The following BPTF variants were observed in gnomAD, a reference collection of about 807,000 sequenced individuals.
BPTF encodes the protein nucleosome-remodeling factor subunit BPTF.
A neutral mutation model predicts 292.5 loss-of-function variants in BPTF; 18 were observed. That is an observed-to-expected ratio of 0.06 (90% CI 0.04 to 0.09). The LOEUF is 0.09. BPTF is among the 10% of genes least tolerant of loss of function. The pLI is 1.00. For synonymous variants in BPTF, 1,225 were observed against 1,251.9 expected (o/e 0.98, Z 0.45); for missense variants, 2,726 against 3,498.7 (o/e 0.78, Z 5.57).
intron 1 of BPTF, among the ~76,000 whole-genome samples, chr17:67,850,996 A>G (rs1371325667): frequency 6.6e-6 from 1 of 152,182 alleles, no homozygotes. Context: ...ACAATAAGCA[A>G]ATTGTAATGG....
At chr17:67,942,054 C>T (rs527615814) in intron 19 of BPTF, among the ~76,000 whole-genome samples, 1 of 152,312 alleles carries the variant, frequency 6.6e-6, no homozygotes, top group African/African-American at 2.4e-5. Flanking sequence ...AATCCCAGCA[C>T]TTTGGGGGGC....
rs775756482 is a variant in BPTF, at chr17:67,931,893, T to C, written c.6151-18T>C. 1.3e-6 allele frequency: 2 copies of C among 1,579,022 alleles called. No homozygotes were observed. The highest frequency in any genetic ancestry group is 2.2e-5 in the South Asian group (2 of 89,508). On this transcript the variant is annotated intron_variant, in intron 17 of 27. Coordinates refer to ENST00000306378, the MANE Select transcript of BPTF (RefSeq NM_182641.4). ...TTTTTAAAGCATTTTAATTCATTGT[T>C]CTTTGTGTCATTTATAGGTAATCAC...
Position 67,928,435 on chromosome 17 carries a change from T to G in BPTF, c.5832T>G (p.Ser1944=), listed in dbSNP as rs757529804. 6.2e-7 allele frequency: 1 copy of G among 1,614,152 alleles called. No individual in the cohort carries two copies. The highest frequency in any genetic ancestry group is 8.5e-7 in the Non-Finnish European group (1 of 1,180,024). The change falls in exon 16 of 28, where the codon TCT becomes TCG. Residue 1944 remains serine (S), a synonymous_variant. Coordinates refer to ENST00000306378, the MANE Select transcript of BPTF (RefSeq NM_182641.4). ...SPTSSTTSTI[S]PAQKVMVAPI... Reference sequence around the variant, plus strand: ...CAAGCAGTACAACCAGCACCATCTCTCCAGCACAGAAGGTTATGGTGGCCC... The same window carrying G: ...CAAGCAGTACAACCAGCACCATCTCGCCAGCACAGAAGGTTATGGTGGCCC...
chr17:67,848,600 A>C lies in BPTF; in HGVS notation c.614-5340A>C, dbSNP rs201085488. 2.4e-4 allele frequency among the ~76,000 whole-genome samples: 37 copies of C among 152,310 alleles called. No individual in the cohort carries two copies. The East Asian group carries it at 5.4e-3, about 22-fold the overall frequency. On this transcript the variant is annotated intron_variant, in intron 1 of 27. Transcript: ENST00000306378. ...GTAGGCAAACTTTTTTTTAAAATTA[A>C]AAATATGAGAAATTAATTAACAGAT...
At chr17:67,948,034 T>C (rs782086380) in intron 22 of BPTF, 47 bp from the exon 23 acceptor site, 1 of 1,557,110 alleles carries the variant, frequency 6.4e-7, no homozygotes, top group South Asian at 1.1e-5. Context: ...CTTAAGCCTT[T>C]CAAAATGAAA....
rs1383041796 is a variant in BPTF, at chr17:67,883,324, A to G, written c.1864+8304A>G. ...GAGCGAGACTCCATCTAAAATAATA[A>G]TAATAATAATAATCCTTTGTGTAGT... On this transcript the variant is annotated intron_variant, in intron 4 of 27. Transcript: ENST00000306378. 2.0e-5 allele frequency among the ~76,000 whole-genome samples: 3 copies of G among 152,256 alleles called. No homozygotes were observed. In the East Asian group the frequency reaches 5.8e-4, roughly 29 times the overall value.
At chr17:67,875,796 T>G in intron 4 of BPTF, 1 of 1,362,700 alleles carries the variant, frequency 7.3e-7, no homozygotes, top group Non-Finnish European at 9.6e-7. Context: ...TCCTTCCCTT[T>G]TGTAGTAAAA....
intron 1 of BPTF, among the ~76,000 whole-genome samples, chr17:67,835,918 G>T (rs907048951): frequency 6.6e-6 from 1 of 152,082 alleles, no homozygotes; most frequent in African/African-American, 2.4e-5. Flanking sequence ...GCCCACCTCA[G>T]CCTCCCAAAG....
intron 26 of BPTF, among the ~76,000 whole-genome samples, chr17:67,970,124 TTA>T (rs2068600642): frequency 6.6e-6 from 1 of 151,714 alleles, no homozygotes; most frequent in African/African-American, 2.4e-5. Context: ...TCCCAGCTAC[TTA>T]GGAGGCTGAG....
chr17:67,872,094 G>A (rs1367376104), intron 3 of BPTF, among the ~76,000 whole-genome samples: 1 of 152,216 alleles, frequency 6.6e-6, no homozygotes, highest in Non-Finnish European at 1.5e-5. Flanking sequence ...CTGAAGTGCT[G>A]GGATTACAGG....
rs1348616038 is a variant in BPTF, at chr17:67,929,387, G to A, written c.6050G>A (p.Gly2017Asp). 27 of 1,613,876 alleles carry A rather than the reference G, an allele frequency of 1.7e-5. No individual in the cohort carries two copies. In the Admixed American group the frequency reaches 4.5e-4, roughly 27 times the overall value. Residue 2017 changes from glycine to aspartate, a missense_variant, in exon 17 of 28, where the codon GGT becomes GAT. By Grantham distance (94) the Gly-to-Asp change is moderately conservative. Around this residue, in one of 22 missense-constraint regions of BPTF, gnomAD observed 198 missense variants for 277.1 expected, o/e 0.71. Coordinates refer to ENST00000306378, the MANE Select transcript of BPTF (RefSeq NM_182641.4). ...CTGGGTATCATTCCATCAAGTACAG[G>A]TACCAGTCAGCAAACCTTTACTTCA... ...KVLGIIPSSTGTSQQTFTSFQ... is the reference protein window; with the variant it reads ...KVLGIIPSSTDTSQQTFTSFQ...
rs561188413 is a variant in BPTF at position 67,828,449 on chromosome 17, G to A, written c.613+2112G>A. Among the ~76,000 whole-genome samples the A allele has an allele frequency of 3.3e-5, 5 of 152,310 alleles. No individual in the cohort carries two copies. In the South Asian group the frequency reaches 1.0e-3, roughly 32 times the overall value. On this transcript the variant is annotated intron_variant, in intron 1 of 27. Coordinates refer to ENST00000306378, the MANE Select transcript of BPTF (RefSeq NM_182641.4). ...AATAATATTTAAGATTGATGGGTGT[G>A]CATATGCTGACTTAAATTACAATTT...
chr17:67,964,983 T>C (rs1163635682), intron 25 of BPTF: 1 of 103,168 alleles, frequency 9.7e-6, no homozygotes, highest in South Asian at 3.3e-4. Context: ...TGGGCGAGAG[T>C]GTGAGACTCC....
rs751578544 is a variant in BPTF at position 67,910,914 on chromosome 17, C to G, written c.3030C>G (p.Pro1010=). 2 of 1,612,620 alleles carry G rather than the reference C, an allele frequency of 1.2e-6. No homozygotes were observed. Among genetic ancestry groups the G allele is most frequent in the South Asian group, 2.2e-5 (2 of 90,834 alleles). Residue 1010 remains proline, a synonymous_variant, in exon 11 of 28, where the codon CCC becomes CCG. Transcript: ENST00000306378. Reference sequence around the variant, plus strand: ...TCTTAGATTCTGACAGTGATAAACCCTGCAAGGAAGAACCAATGGAAGTAG... The same window carrying G: ...TCTTAGATTCTGACAGTGATAAACCGTGCAAGGAAGAACCAATGGAAGTAG... ...KELLDSDSDK[P]CKEEPMEVDD...
chr17:67,889,870 C>T (rs1238644428), intron 4 of BPTF, among the ~76,000 whole-genome samples: 1 of 152,028 alleles, frequency 6.6e-6, no homozygotes, highest in East Asian at 1.9e-4. Context: ...GTCTGACCAA[C>T]TGCTTTGCTA....
At chr17:67,959,479 G>A in intron 23 of BPTF, 62 bp from the exon 24 acceptor site, 1 of 1,350,424 alleles carries the variant, frequency 7.4e-7, no homozygotes, top group East Asian at 2.4e-5. Context: ...ACCATCTTCT[G>A]GCCAGATCAC....
chr17:67,855,827 G>A (rs952413478), intron 2 of BPTF, among the ~76,000 whole-genome samples: 6 of 152,212 alleles, frequency 3.9e-5, no homozygotes, highest in African/African-American at 2.4e-5. Flanking sequence ...GTCAGAGCAG[G>A]GCATGGAAAG....
rs750355395 is a variant in BPTF at position 67,874,836 on chromosome 17, A to G, written c.1680A>G (p.Ile560Met). ...TTATAGAAGAAATTTTGGAATCCATAAGAGCCAAAAAGGGAGACATTGATA... is the reference window on the plus strand; with the variant it reads ...TTATAGAAGAAATTTTGGAATCCATGAGAGCCAAAAAGGGAGACATTGATA... ...AAANEEILES[I>M]RAKKGDIDNV... The change falls in exon 4 of 28, where the codon ATA (isoleucine) becomes ATG (methionine). Residue 560 changes from isoleucine (I) to methionine (M), a missense_variant. Coordinates refer to ENST00000306378, the MANE Select transcript of BPTF (RefSeq NM_182641.4). 2.5e-6 allele frequency: 4 copies of G among 1,611,830 alleles called. No homozygotes were observed. Among genetic ancestry groups the G allele is most frequent in the Non-Finnish European group, 3.4e-6 (4 of 1,179,398 alleles).
At chr17:67,853,491 A>G (rs1303903001) in intron 1 of BPTF, among the ~76,000 whole-genome samples, 1 of 152,228 alleles carries the variant, frequency 6.6e-6, no homozygotes, top group Admixed American at 6.5e-5. Context: ...TCTGTATTGC[A>G]GCTGACAGTG....
Sources: gnomAD v4.1 joint callset for allele counts (sites outside exome capture counted in the v4.1 genomes callset) on GRCh38, gnomAD v4.1.1 for gene constraint, gnomAD v4.1.1 regional missense constraint, MANE v1.5 for transcripts, NCBI Gene and HGNC (gene_info 2026-07-23, HGNC 2026-07-21) for gene names.